The following SCD5 variants were observed in gnomAD, a reference collection of about 807,000 sequenced individuals.
SCD5 encodes the protein acyl-CoA-desaturase 4.
A neutral mutation model predicts 30.4 loss-of-function variants in SCD5; 20 were observed. That is an observed-to-expected ratio of 0.66 (90% CI 0.46 to 0.96). SCD5 has a LOEUF of 0.96. Among genes scored for constraint, SCD5 ranks in the 40% least tolerant of loss-of-function variants. The pLI, the probability that SCD5 is intolerant of heterozygous loss-of-function variation, is 0.00. For synonymous variants in SCD5, 173 were observed against 176.4 expected (o/e 0.98, Z 0.16); for missense variants, 381 against 443.3 (o/e 0.86, Z 1.26).
At chr4:82,647,753 A>T (rs57523241) in intron 3 of SCD5, among the ~76,000 whole-genome samples, 21,739 of 151,656 alleles carry the variant, frequency 0.14, 2,196 homozygotes, top group African/African-American at 0.29. Context: ...TGCTGTAAAA[A>T]CTCCGGAAGA....
At chr4:82,675,877 G>A (rs1165102625) in intron 3 of SCD5, among the ~76,000 whole-genome samples, 2 of 152,232 alleles carry the variant, frequency 1.3e-5, no homozygotes, top group African/African-American at 2.4e-5. Context: ...GAACAACTGT[G>A]TGGCTATGGC....
chr4:82,688,444 T>C lies in SCD5; in HGVS notation c.364-7532A>G, dbSNP rs183094619. ...TAAGGCTTACTAGAGATAGACTTTA[T>C]CTCTGTCTCTGGGGTCTAAACTTAA... On this transcript the variant is annotated intron_variant, in intron 2 of 4. Coordinates refer to ENST00000319540, the MANE Select transcript of SCD5 (RefSeq NM_001037582.3). 2.9e-3 allele frequency among the ~76,000 whole-genome samples: 436 copies of C among 152,270 alleles called. 3 individuals carry two copies. The highest frequency in any genetic ancestry group is 9.9e-3 in the African/African-American group (413 of 41,534).
At chr4:82,710,300 G>A (rs967317161) in intron 1 of SCD5, among the ~76,000 whole-genome samples, 7 of 152,130 alleles carry the variant, frequency 4.6e-5, no homozygotes, top group African/African-American at 1.7e-4. Context: ...AAGATCCAGA[G>A]AGCAGTGCTC....
At chr4:82,657,533 G>T (rs1727888800) in intron 3 of SCD5, among the ~76,000 whole-genome samples, 1 of 152,220 alleles carries the variant, frequency 6.6e-6, no homozygotes, top group Non-Finnish European at 1.5e-5. Flanking sequence ...CAGGCAGCGT[G>T]ATGCCTCCAG....
chr4:82,798,259 G>GC, intron 1 of SCD5, 47 bp downstream of exon 1: 1 of 1,456,444 alleles, frequency 6.9e-7, no homozygotes, highest in Non-Finnish European at 9.1e-7. Context: ...GCCCCAGCGC[G>GC]GCCTGGCCAC....
chr4:82,692,967 G>A (rs1030488475), intron 2 of SCD5, among the ~76,000 whole-genome samples: 2 of 152,194 alleles, frequency 1.3e-5, no homozygotes, highest in Admixed American at 6.5e-5. Context: ...TGAGGCTGGG[G>A]CTGGGGAAGC....
chr4:82,681,391 C>T (rs1728569189), intron 2 of SCD5, among the ~76,000 whole-genome samples: 1 of 152,072 alleles, frequency 6.6e-6, no homozygotes, highest in Admixed American at 6.5e-5. Flanking sequence ...ATACATGTGC[C>T]TGTGTTTTTA....
At chr4:82,725,771 G>A (rs1431141784) in intron 1 of SCD5, among the ~76,000 whole-genome samples, 1 of 152,068 alleles carries the variant, frequency 6.6e-6, no homozygotes, top group Non-Finnish European at 1.5e-5. Flanking sequence ...GAGGTGGGAA[G>A]ATCACTTAAA....
In SCD5 at chr4:82,630,603, T is replaced by C. The variant is rs918215864; in HGVS notation, c.*724A>G. 2.6e-5 allele frequency: 4 copies of C among 152,242 alleles called. No individual in the cohort carries two copies. The highest frequency in any genetic ancestry group is 2.9e-5 in the Non-Finnish European group (2 of 68,048). 9.4% of individuals were successfully genotyped at this position (152,242 alleles called of 1,614,324 possible). ...ACGTATATTTGACGTATTTTAGCTATAGCGATTAAATCACATGTCCACACT... is the reference window on the plus strand; with the variant it reads ...ACGTATATTTGACGTATTTTAGCTACAGCGATTAAATCACATGTCCACACT... On this transcript the variant is annotated 3_prime_UTR_variant, in exon 5 of 5. Transcript: ENST00000319540.
intron 1 of SCD5, among the ~76,000 whole-genome samples, chr4:82,715,510 TG>T (rs1025020614): frequency 1.8e-4 from 28 of 151,556 alleles, no homozygotes; most frequent in African/African-American, 6.6e-4. Context: ...CTCATCACTC[TG>T]GGCCTCAATT....
chr4:82,765,188 A>G (rs565928246), intron 1 of SCD5, among the ~76,000 whole-genome samples: 1 of 152,324 alleles, frequency 6.6e-6, no homozygotes, highest in African/African-American at 2.4e-5. Context: ...TCTACTGGAA[A>G]TGAATTTTTT....
intron 2 of SCD5, among the ~76,000 whole-genome samples, chr4:82,702,697 GAAGA>G (rs1308715516): frequency 1.3e-5 from 2 of 152,064 alleles, no homozygotes; most frequent in African/African-American, 4.8e-5. Context: ...GTGAAGGAGA[GAAGA>G]GAGAGAATCT....
intron 1 of SCD5, among the ~76,000 whole-genome samples, chr4:82,773,362 G>A (rs369676540): frequency 1.6e-4 from 24 of 152,108 alleles, no homozygotes; most frequent in African/African-American, 5.3e-4. Flanking sequence ...CTCCTTCCAG[G>A]GCATCCTGCC....
chr4:82,653,696 A>AGATAGATAGATAGAT (rs1340979502), intron 3 of SCD5, among the ~76,000 whole-genome samples: 1 of 143,234 alleles, frequency 7.0e-6, no homozygotes, highest in Non-Finnish European at 1.5e-5. Flanking sequence ...ATAGATAGAT[A>AGATAGATAGATAGAT]GATAGATAGA....
intron 3 of SCD5, among the ~76,000 whole-genome samples, chr4:82,637,589 C>T (rs990523706): frequency 3.9e-5 from 6 of 152,234 alleles, no homozygotes; most frequent in South Asian, 2.1e-4. Context: ...CACTGCTCAC[C>T]GCCCTCTTGC....
At position 82,631,318 on chromosome 4, in the gene SCD5, G is replaced by A. The variant is rs1727286692; in HGVS notation, c.*9C>T. On this transcript the variant is annotated 3_prime_UTR_variant, in exon 5 of 5. Transcript: ENST00000319540. ...GCAACGGCAGACATGTGGGATGGCTGTTCCAAGTTCAAGCACTGCTGTCTC... is the reference window on the plus strand; with the variant it reads ...GCAACGGCAGACATGTGGGATGGCTATTCCAAGTTCAAGCACTGCTGTCTC... 1.2e-6 allele frequency: 2 copies of A among 1,609,768 alleles called. No homozygotes were observed. The highest frequency in any genetic ancestry group is 1.3e-5 in the African/African-American group (1 of 74,962).
At position 82,688,285 on chromosome 4, in the gene SCD5, T is replaced by C. The variant is rs371996935; in HGVS notation, c.364-7373A>G. Among the ~76,000 whole-genome samples the C allele has an allele frequency of 3.3e-5, 5 of 152,270 alleles. 1 individual carries two copies. Among genetic ancestry groups the C allele is most frequent in the African/African-American group, 1.2e-4 (5 of 41,544 alleles). On this transcript the variant is annotated intron_variant, in intron 2 of 4. Transcript: ENST00000319540. Reference sequence around the variant, plus strand: ...GAAAATATGCGTGTGCATGCATGCATGTACATGTGCATGTGCGTGTGCGTG... The same window carrying C: ...GAAAATATGCGTGTGCATGCATGCACGTACATGTGCATGTGCGTGTGCGTG...
chr4:82,693,842 C>T (rs1719620448), intron 2 of SCD5, among the ~76,000 whole-genome samples: 1 of 152,198 alleles, frequency 6.6e-6, no homozygotes, highest in East Asian at 1.9e-4. Context: ...CCTGCCACCT[C>T]CCTGAAGAGG....
intron 1 of SCD5, among the ~76,000 whole-genome samples, chr4:82,721,020 G>A (rs947824426): frequency 3.9e-5 from 6 of 152,086 alleles, no homozygotes; most frequent in African/African-American, 1.4e-4. Context: ...AGCTGGGTGT[G>A]GTGGTGGCAC....
Sources: allele counts gnomAD v4.1 joint callset (sites outside exome capture counted in the v4.1 genomes callset), GRCh38; gene constraint gnomAD v4.1.1; transcripts MANE v1.5; gene names NCBI Gene and HGNC (gene_info 2026-07-23, HGNC 2026-07-21).